The following NARS2 variants were observed in gnomAD, a reference collection of about 807,000 sequenced individuals.
NARS2 encodes asparaginyl-tRNA synthetase.
In NARS2, 60 loss-of-function variants were observed where a neutral mutation model predicts 62.9. The ratio of observed to expected loss-of-function variants is 0.95; its 90% confidence interval spans 0.77 to 1.18. The LOEUF is 1.18. Ranked by LOEUF, NARS2 falls within the 50% of genes most tolerant of loss-of-function variation. The probability of loss-of-function intolerance (pLI) is 0.00; values close to 1 mark genes in which losing one functional copy is unlikely to be tolerated. For synonymous variants in NARS2, 196 were observed against 200.0 expected (o/e 0.98, Z 0.17); for missense variants, 619 against 576.4 (o/e 1.07, Z -0.76).
chr11:78,479,109 C>G (rs1486149615), intron 7 of NARS2, among the ~76,000 whole-genome samples: 1 of 152,128 alleles, frequency 6.6e-6, no homozygotes, highest in South Asian at 2.1e-4. Context: ...CAACAAACAT[C>G]AGTTGTTGTG....
At chr11:78,436,914 A>C in intron 13 of NARS2, 100 bp from the exon 14 acceptor site, 1 of 1,192,684 alleles carries the variant, frequency 8.4e-7, no homozygotes, top group Non-Finnish European at 1.2e-6. Flanking sequence ...ATCATTTGTT[A>C]TTGTTTACCT....
At chr11:78,492,104 T>TACAG (rs879866653) in intron 7 of NARS2, among the ~76,000 whole-genome samples, 45 of 145,390 alleles carry the variant, frequency 3.1e-4, no homozygotes, top group South Asian at 6.8e-4. Flanking sequence ...TATATATATA[T>TACAG]ATATACAGAC....
chr11:78,571,260 A>G, intron 2 of NARS2, 75 bp downstream of exon 2: 1 of 876,380 alleles, frequency 1.1e-6, no homozygotes, highest in South Asian at 1.4e-5. Context: ...CAACGTAAAC[A>G]CTGGAGTAGG....
chr11:78,558,052 A>G (rs559979435), intron 5 of NARS2, among the ~76,000 whole-genome samples: 45 of 152,184 alleles, frequency 3.0e-4, no homozygotes, highest in Non-Finnish European at 2.8e-4. Flanking sequence ...GGTTTAGACT[A>G]AGGGATTTAG....
chr11:78,524,118 T>C (rs1861220352), intron 6 of NARS2, among the ~76,000 whole-genome samples: 1 of 152,106 alleles, frequency 6.6e-6, no homozygotes, highest in Non-Finnish European at 1.5e-5. Flanking sequence ...AACTACAAGA[T>C]GGCTTTAAAA....
At chr11:78,478,717 A>G in intron 7 of NARS2, 34 bp from the exon 8 acceptor site, 1 of 1,404,146 alleles carries the variant, frequency 7.1e-7, no homozygotes, top group Non-Finnish European at 9.9e-7. Context: ...CCTGACACGT[A>G]AGCAATTTTA....
chr11:78,571,342 C>G lies in NARS2; in HGVS notation c.244G>C (p.Asp82His). ...TTAAAAAACAAAACTCACCTACTGTCAAGGCCTGAATCTGCAACAACCTGA... is the reference window on the plus strand; with the variant it reads ...TTAAAAAACAAAACTCACCTACTGTGAAGGCCTGAATCTGCAACAACCTGA... ...SLQVVADSGL[D>H]SRELNFGSSV... The change falls in exon 2 of 14, where the codon GAC (aspartate) becomes CAC (histidine). Residue 82 changes from aspartate to histidine, a missense_variant. Coordinates refer to ENST00000281038, the MANE Select transcript of NARS2 (RefSeq NM_024678.6). The G allele has an allele frequency of 6.2e-7, 1 of 1,609,822 alleles. No individual in the cohort carries two copies. The highest frequency in any genetic ancestry group is 8.5e-7 in the Non-Finnish European group (1 of 1,176,376).
At chr11:78,534,893 A>C (rs1468060998) in intron 5 of NARS2, among the ~76,000 whole-genome samples, 1 of 152,260 alleles carries the variant, frequency 6.6e-6, no homozygotes, top group Non-Finnish European at 1.5e-5. Flanking sequence ...CTTGGGAATT[A>C]AGGAATAATG....
intron 5 of NARS2, among the ~76,000 whole-genome samples, chr11:78,554,444 G>A (rs892535604): frequency 6.6e-6 from 1 of 151,510 alleles, no homozygotes; most frequent in Non-Finnish European, 1.5e-5. Flanking sequence ...TTTGAGCAGT[G>A]TTTTATAATT....
chr11:78,517,344 G>T (rs762303178), intron 6 of NARS2, among the ~76,000 whole-genome samples: 1 of 152,206 alleles, frequency 6.6e-6, no homozygotes, highest in African/African-American at 2.4e-5. Context: ...AACATGTTGA[G>T]TTTAAGGTGC....
At chr11:78,457,557 T>A (rs966456) in intron 11 of NARS2, among the ~76,000 whole-genome samples, 29,229 of 152,214 alleles carry the variant, frequency 0.19, 3,338 homozygotes, top group East Asian at 0.42. Context: ...CTATGGCTAA[T>A]GTAACAAGTT....
intron 9 of NARS2, among the ~76,000 whole-genome samples, chr11:78,473,212 C>T (rs1224198199): frequency 2.0e-5 from 3 of 152,202 alleles, no homozygotes; most frequent in Non-Finnish European, 4.4e-5. Context: ...CTCTTCCTTT[C>T]AAACAACAAA....
intron 5 of NARS2, among the ~76,000 whole-genome samples, chr11:78,543,173 G>T (rs140755346): frequency 6.6e-6 from 1 of 151,852 alleles, no homozygotes; most frequent in East Asian, 1.9e-4. Context: ...GCAAAACTAC[G>T]TGTCAAAAAA....
At chr11:78,555,225 C>T (rs1856305545) in intron 5 of NARS2, 1 of 152,138 alleles carries the variant, frequency 6.6e-6, no homozygotes, top group African/African-American at 2.4e-5. Flanking sequence ...GTTTTGGTAT[C>T]AAGATGATGC....
Position 78,478,475 on chromosome 11 carries a change from C to T in NARS2, c.922G>A (p.Asp308Asn). The change falls in exon 9 of 14, where the codon GAC becomes AAC. Residue 308 changes from aspartate (D) to asparagine (N), a missense_variant and splice_region_variant. Physicochemically the swap from Asp to Asn is conservative, Grantham distance 23. Transcript: ENST00000281038. ...TTTTTTAGCATATGTTCTAATCTGTCCTTAATAAAAAGACAAAAAAGAAAA... is the reference window on the plus strand; with the variant it reads ...TTTTTTAGCATATGTTCTAATCTGTTCTTAATAAAAAGACAAAAAAGAAAA... ...CHKFIAPGQK[D>N]RLEHMLKNNF... 1 of 1,155,892 alleles carries T rather than the reference C, an allele frequency of 8.7e-7. No homozygotes were observed. The highest frequency in any genetic ancestry group is 1.2e-6 in the Non-Finnish European group (1 of 834,518). The allele number at this position is 1,155,892 out of a possible 1,614,324, so 71.6% of individuals were successfully genotyped here. A position where few individuals can be genotyped will look rare whatever the true frequency, so the allele number is the denominator to read the frequency against.
At chr11:78,457,381 C>T (rs573988476) in intron 11 of NARS2, among the ~76,000 whole-genome samples, 7 of 151,900 alleles carry the variant, frequency 4.6e-5, no homozygotes, top group Admixed American at 6.6e-5. Context: ...GGAACTCTTG[C>T]GAACTTACAG....
chr11:78,550,575 C>T (rs1351374766), intron 5 of NARS2, among the ~76,000 whole-genome samples: 2 of 152,132 alleles, frequency 1.3e-5, no homozygotes, highest in East Asian at 1.9e-4. Flanking sequence ...CCACTTTACA[C>T]CCATTAGTAT....
intron 4 of NARS2, among the ~76,000 whole-genome samples, chr11:78,565,805 G>A (rs1399310652): frequency 6.6e-6 from 1 of 152,158 alleles, no homozygotes; most frequent in Non-Finnish European, 1.5e-5. Flanking sequence ...ACCTGAGGAA[G>A]GCTTTGCCTC....
intron 5 of NARS2, among the ~76,000 whole-genome samples, chr11:78,553,564 T>C (rs187466449): frequency 6.6e-6 from 1 of 152,188 alleles, no homozygotes; most frequent in African/African-American, 2.4e-5. Flanking sequence ...GCTGGGATTA[T>C]AGGCATGAAC....
Sources: allele counts gnomAD v4.1 joint callset (sites outside exome capture counted in the v4.1 genomes callset), GRCh38; gene constraint gnomAD v4.1.1; transcripts MANE v1.5; gene names NCBI Gene and HGNC (gene_info 2026-07-23, HGNC 2026-07-21).